The following TBXA2R variants were observed in gnomAD, a reference collection of about 807,000 sequenced individuals.
TBXA2R encodes the protein prostanoid TP receptor.
In TBXA2R, 15 loss-of-function variants were observed where a neutral mutation model predicts 15.6. The observed-to-expected ratio is 0.96, with a 90% CI of 0.64 to 1.48. The LOEUF (loss-of-function observed/expected upper bound fraction) is 1.48. Ranked by LOEUF, TBXA2R falls within the 40% of genes most tolerant of loss-of-function variation. The pLI is 0.00. For missense variants in TBXA2R, 506 were observed against 491.4 expected (o/e 1.03, Z -0.28); for synonymous variants, 280 against 241.2 (o/e 1.16, Z -1.49).
At chr19:3,601,070 T>C (rs1055229178) in intron 1 of TBXA2R, among the ~76,000 whole-genome samples, 1 of 151,524 alleles carries the variant, frequency 6.6e-6, no homozygotes, top group Non-Finnish European at 1.5e-5. Flanking sequence ...TCCATTTTCA[T>C]GGTGTCGGTT....
rs200113684 is a variant in TBXA2R at position 3,600,541 on chromosome 19, C to A, written c.94G>T (p.Ala32Ser). The A allele has an allele frequency of 2.5e-6, 4 of 1,611,784 alleles. No homozygotes were observed. Among genetic ancestry groups the A allele is most frequent in the African/African-American group, 2.7e-5 (2 of 74,960 alleles). Residue 32 changes from alanine to serine, a missense_variant, in exon 2 of 3, where the codon GCC (alanine) becomes TCC (serine). Coordinates refer to ENST00000375190, the MANE Select transcript of TBXA2R (RefSeq NM_001060.6). ...RRLIASPWFA[A>S]SFCVVGLASN... Reference sequence around the variant, plus strand: ...GCCAGGCCCACCACGCAGAAGGAGGCGGCGAACCAGGGCGAGGCGATCAGC... The same window carrying A: ...GCCAGGCCCACCACGCAGAAGGAGGAGGCGAACCAGGGCGAGGCGATCAGC...
At position 3,595,099 on chromosome 19, in the gene TBXA2R, C is replaced by T; in HGVS notation, c.*589G>A. 1.4e-6 allele frequency: 1 copy of T among 693,678 alleles called. No homozygotes were observed. 43.0% of individuals were successfully genotyped at this position (693,678 alleles called of 1,614,324 possible). On this transcript the variant is annotated 3_prime_UTR_variant, in exon 3 of 3. Transcript: ENST00000375190. ...CGTCTAAAAAAAAAAAAAAAAATGG[C>T]CAGGTGTGGTGGTTCATGCCTGTGA...
chr19:3,603,250 C>T (rs1216522409), intron 1 of TBXA2R, among the ~76,000 whole-genome samples: 2 of 152,228 alleles, frequency 1.3e-5, no homozygotes, highest in Non-Finnish European at 2.9e-5. Context: ...GGCTTCTGGC[C>T]TTGGCTACGC....
intron 1 of TBXA2R, among the ~76,000 whole-genome samples, chr19:3,602,193 C>T (rs1405159460): frequency 6.6e-6 from 1 of 152,056 alleles, no homozygotes; most frequent in Non-Finnish European, 1.5e-5. Flanking sequence ...TGCACTGCAG[C>T]CTGGGTGACA....
intron 2 of TBXA2R, 93 bp downstream of exon 2, chr19:3,599,756 C>T (rs1006506480): frequency 2.0e-6 from 3 of 1,530,676 alleles, no homozygotes; most frequent in East Asian, 2.5e-5. Context: ...CGTGAGCCAC[C>T]GCGCCCGGTC....
intron 1 of TBXA2R, among the ~76,000 whole-genome samples, chr19:3,605,477 CA>C (rs2032813292): frequency 6.6e-6 from 1 of 151,878 alleles, no homozygotes; most frequent in African/African-American, 2.4e-5. Flanking sequence ...GACACACAGA[CA>C]CACACACAGA....
At chr19:3,599,746 C>T (rs533717926) in intron 2 of TBXA2R, 103 bp downstream of exon 2, 11 of 1,502,640 alleles carry the variant, frequency 7.3e-6, no homozygotes, top group Middle Eastern at 2.3e-4. Flanking sequence ...GGATTACCGG[C>T]GTGAGCCACC....
Position 3,594,613 on chromosome 19 carries a change from G to C in TBXA2R, c.*1075C>G. On this transcript the variant is annotated 3_prime_UTR_variant, in exon 3 of 3. Transcript: ENST00000375190. ...ATTACAGGCTGCTGGAAGAATTCTA[G>C]GTGGTACCACCCATCAAGTGATTAG... 1 of 427,110 alleles carries C rather than the reference G, an allele frequency of 2.3e-6. No individual in the cohort carries two copies. The allele number at this position is 427,110 out of a possible 1,614,324, so 26.5% of individuals were successfully genotyped here.
At chr19:3,595,965 C>T (rs1203310584) in intron 2 of TBXA2R, 32 bp from the exon 3 acceptor site, 2 of 1,564,636 alleles carry the variant, frequency 1.3e-6, no homozygotes, top group Non-Finnish European at 1.7e-6. Flanking sequence ...GCCTGGGCCC[C>T]CGCCTCCAGC....
chr19:3,600,710 A>G lies in TBXA2R; in HGVS notation c.-76T>C. On this transcript the variant is annotated 5_prime_UTR_variant, in exon 2 of 3. Transcript: ENST00000375190. ...AGACAGGGCAGGCTGGCACTGGTTC[A>G]GGCACACCTGGGAGGCGAGAGAAGA... 1 of 1,534,454 alleles carries G rather than the reference A, an allele frequency of 6.5e-7. No homozygotes were observed. The highest frequency in any genetic ancestry group is 8.9e-7 in the Non-Finnish European group (1 of 1,123,456).
Position 3,600,526 on chromosome 19 carries a change from C to T in TBXA2R, c.109G>A (p.Val37Met). 1 of 1,612,348 alleles carries T rather than the reference C, an allele frequency of 6.2e-7. No individual in the cohort carries two copies. Among genetic ancestry groups the T allele is most frequent in the Non-Finnish European group, 8.5e-7 (1 of 1,179,316 alleles). ...SPWFAASFCVVGLASNLLALS... is the reference protein window; with the variant it reads ...SPWFAASFCVMGLASNLLALS... ...GCCAGCAGGTTGGAGGCCAGGCCCA[C>T]CACGCAGAAGGAGGCGGCGAACCAG... The change falls in exon 2 of 3, where the codon GTG (valine) becomes ATG (methionine). Residue 37 changes from valine to methionine, a missense_variant. Val to Met is a conservative substitution (Grantham distance 21). Coordinates refer to ENST00000375190, the MANE Select transcript of TBXA2R (RefSeq NM_001060.6).
chr19:3,601,005 C>T (rs914107104), intron 1 of TBXA2R, among the ~76,000 whole-genome samples: 64 of 151,772 alleles, frequency 4.2e-4, no homozygotes, highest in African/African-American at 1.5e-3. Context: ...CCTCCCGCCT[C>T]GGCCTCCCAA....
In TBXA2R at chr19:3,595,818, T is replaced by C; in HGVS notation, c.902A>G (p.Gln301Arg). Residue 301 changes from glutamine to arginine, a missense_variant, in exon 3 of 3, where the codon CAG becomes CGG. Physicochemically the swap from Gln to Arg is conservative, Grantham distance 43. Transcript: ENST00000375190. The part of the protein sequence containing the change: ...LIYLRVATWN[Q>R]ILDPWVYILF... Reference sequence around the variant, plus strand: ...GATATACACCCAGGGGTCCAGGATCTGGTTCCAGGTGGCCACGCGCAAGTA... The same window carrying C: ...GATATACACCCAGGGGTCCAGGATCCGGTTCCAGGTGGCCACGCGCAAGTA... The C allele has an allele frequency of 1.2e-6, 2 of 1,611,928 alleles. No individual in the cohort carries two copies. The highest frequency in any genetic ancestry group is 1.7e-6 in the Non-Finnish European group (2 of 1,179,352).
chr19:3,605,611 C>G (rs572613291), intron 1 of TBXA2R, among the ~76,000 whole-genome samples: 2 of 151,300 alleles, frequency 1.3e-5, no homozygotes, highest in Non-Finnish European at 2.9e-5. Context: ...TAGACACACA[C>G]AGAAACACCA....
intron 1 of TBXA2R, among the ~76,000 whole-genome samples, chr19:3,605,428 C>T (rs200137795): frequency 3.0e-4 from 45 of 151,948 alleles, no homozygotes; most frequent in Admixed American, 2.2e-3. Flanking sequence ...AGCAGGCAGA[C>T]GCACAGACGT....
intron 1 of TBXA2R, among the ~76,000 whole-genome samples, chr19:3,605,712 A>G (rs2032818554): frequency 2.0e-5 from 3 of 152,106 alleles, no homozygotes; most frequent in African/African-American, 7.2e-5. Context: ...ATGCACAGAC[A>G]CACATACAGA....
At chr19:3,596,640 T>C (rs1450675075) in intron 2 of TBXA2R, among the ~76,000 whole-genome samples, 2 of 34,626 alleles carry the variant, frequency 5.8e-5, no homozygotes, top group Admixed American at 2.2e-4. Context: ...AATAAATACC[T>C]TTTTTTTTTT....
intron 1 of TBXA2R, among the ~76,000 whole-genome samples, chr19:3,603,610 T>TGGGTCTCA (rs2145298594): frequency 6.6e-6 from 1 of 152,250 alleles, no homozygotes; most frequent in East Asian, 1.9e-4. Flanking sequence ...CAGTCCCTCC[T>TGGGTCTCA]GGGTCTCAGG....
Position 3,600,428 on chromosome 19 carries a change from G to A in TBXA2R, c.207C>T (p.Gly69=). 1 of 1,613,338 alleles carries A rather than the reference G, an allele frequency of 6.2e-7. No individual in the cohort carries two copies. Among genetic ancestry groups the A allele is most frequent in the Non-Finnish European group, 8.5e-7 (1 of 1,179,730 alleles). ...TRSSFLTFLC[G]LVLTDFLGLL... The stretch of plus-strand genomic sequence containing the variant: ...GCCCCAGGAAGTCGGTGAGGACGAG[G>A]CCGCAGAGGAAGGTGAGGAAGGAGG... The change falls in exon 2 of 3, where the codon GGC becomes GGT. Residue 69 remains glycine (G), a synonymous_variant. Coordinates refer to ENST00000375190, the MANE Select transcript of TBXA2R (RefSeq NM_001060.6).
Sources: gnomAD v4.1 joint callset for allele counts (sites outside exome capture counted in the v4.1 genomes callset) on GRCh38, gnomAD v4.1.1 for gene constraint, MANE v1.5 for transcripts, NCBI Gene and HGNC (gene_info 2026-07-23, HGNC 2026-07-21) for gene names.